The following CPAMD8 variants were observed in gnomAD, a reference collection of about 807,000 sequenced individuals.
CPAMD8 encodes the protein C3 and PZP like alpha-2-macroglobulin domain containing 8.
In CPAMD8, 146 loss-of-function variants were observed where a neutral mutation model predicts 224.7. That is an observed-to-expected ratio of 0.65 (90% CI 0.57 to 0.75). The LOEUF is 0.75. CPAMD8 is among the 30% of genes least tolerant of loss of function. The probability of loss-of-function intolerance (pLI) is 0.00; values close to 1 mark genes in which losing one functional copy is unlikely to be tolerated. For missense variants in CPAMD8, 2,301 were observed against 2,537.5 expected (o/e 0.91, Z 2.00); for synonymous variants, 966 against 1,044.6 (o/e 0.92, Z 1.45).
intron 6 of CPAMD8, chr19:17,009,088 C>T (rs918462611): frequency 1.3e-5 from 8 of 635,808 alleles, no homozygotes; most frequent in Non-Finnish European, 2.0e-5. Context: ...TAGAGCGAGA[C>T]TCCATTTCAA....
At chr19:16,933,345 A>T (rs1278446063) in intron 23 of CPAMD8, among the ~76,000 whole-genome samples, 1 of 152,164 alleles carries the variant, frequency 6.6e-6, no homozygotes, top group Non-Finnish European at 1.5e-5. Flanking sequence ...TAATTAATAT[A>T]AAAAAACTTC....
chr19:16,921,038 A>AG (rs2053155571), intron 27 of CPAMD8, among the ~76,000 whole-genome samples: 1 of 151,858 alleles, frequency 6.6e-6, no homozygotes, highest in Admixed American at 6.6e-5. Flanking sequence ...TTGCGTTATC[A>AG]GCTGTCGGCA....
Position 16,904,321 on chromosome 19 carries a change from T to C in CPAMD8, c.4156A>G (p.Thr1386Ala). The C allele has an allele frequency of 6.2e-7, 1 of 1,613,674 alleles. No homozygotes were observed. Among genetic ancestry groups the C allele is most frequent in the South Asian group, 1.1e-5 (1 of 91,078 alleles). Residue 1386 changes from threonine to alanine, a missense_variant, in exon 32 of 42, where the codon ACC becomes GCC. This residue lies in a region of CPAMD8 where 1,709 missense variants were observed against 1,753.2 expected (regional missense o/e 0.97). Transcript: ENST00000443236. ...EVEMTAYALL[T>A]YTLLGDVAAA... Reference sequence around the variant, plus strand: ...GCCACGTCACCCAGCAGAGTGTAGGTCAGAAGGGCGTAGGCTGTCATTTCC... The same window carrying C: ...GCCACGTCACCCAGCAGAGTGTAGGCCAGAAGGGCGTAGGCTGTCATTTCC...
intron 25 of CPAMD8, 111 bp from the exon 26 acceptor site, chr19:16,925,483 A>G: frequency 1.2e-6 from 1 of 867,954 alleles, no homozygotes; most frequent in Non-Finnish European, 1.9e-6. Flanking sequence ...TCAGCCACCC[A>G]ACTGCCCTTT....
intron 23 of CPAMD8, among the ~76,000 whole-genome samples, chr19:16,937,874 C>T (rs2053749101): frequency 6.6e-6 from 1 of 152,156 alleles, no homozygotes; most frequent in Non-Finnish European, 1.5e-5. Flanking sequence ...GGCTTGGTCT[C>T]AAACTCCTAA....
At chr19:16,961,108 T>C (rs1292171833) in intron 18 of CPAMD8, among the ~76,000 whole-genome samples, 1 of 152,076 alleles carries the variant, frequency 6.6e-6, no homozygotes, top group Non-Finnish European at 1.5e-5. Flanking sequence ...ACACGGAAGA[T>C]GGGTGATTTC....
chr19:16,989,538 C>T (rs977020908), intron 13 of CPAMD8, 105 bp downstream of exon 13: 46 of 1,395,488 alleles, frequency 3.3e-5, no homozygotes, highest in Admixed American at 8.8e-5. Context: ...CCGCCTGCCT[C>T]GGCCTCCCAA....
In CPAMD8 at chr19:16,977,504, C is replaced by G; in HGVS notation, c.1622G>C (p.Cys541Ser). 1 of 1,607,354 alleles carries G rather than the reference C, an allele frequency of 6.2e-7. No individual in the cohort carries two copies. The highest frequency in any genetic ancestry group is 8.5e-7 in the Non-Finnish European group (1 of 1,177,794). The change falls in exon 15 of 42, where the codon TGT becomes TCT. Residue 541 changes from cysteine to serine, a missense_variant. This residue lies in a region of CPAMD8 where 301 missense variants were observed against 406.6 expected (regional missense o/e 0.74). Transcript: ENST00000443236. ...CACGGCCAGATGAAGAGAGGTCACACACACGTCGACCTCAGCTTCTGGGGC... is the reference window on the plus strand; with the variant it reads ...CACGGCCAGATGAAGAGAGGTCACAGACACGTCGACCTCAGCTTCTGGGGC... ...PPAPEAEVDV[C>S]VTSLHLAVTP...
At chr19:16,959,616 C>T (rs929217250) in intron 18 of CPAMD8, among the ~76,000 whole-genome samples, 2 of 151,872 alleles carry the variant, frequency 1.3e-5, no homozygotes, top group African/African-American at 2.4e-5. Flanking sequence ...TCTCGGTTCA[C>T]TGCAGCCTCC....
At position 17,009,517 on chromosome 19, in the gene CPAMD8, G is replaced by A. The variant is rs550744979; in HGVS notation, c.487-197C>T. 1.2e-5 allele frequency: 10 copies of A among 866,530 alleles called. No individual in the cohort carries two copies. The African/African-American group carries it at 1.4e-4, about 12-fold the overall frequency. 53.7% of individuals were successfully genotyped at this position (866,530 alleles called of 1,614,324 possible). On this transcript the variant is annotated intron_variant, in intron 5 of 41. Coordinates refer to ENST00000443236, the MANE Select transcript of CPAMD8 (RefSeq NM_015692.5). ...GACTCATTACAGGTGGCTCATGCCT[G>A]TAATCCCAGCACTTTGGGAGGCCAA...
At chr19:16,998,547 G>T (rs944965845) in intron 10 of CPAMD8, among the ~76,000 whole-genome samples, 5 of 152,160 alleles carry the variant, frequency 3.3e-5, no homozygotes, top group Non-Finnish European at 7.3e-5. Flanking sequence ...GTCTCAGGTG[G>T]GAAAGGGACT....
intron 39 of CPAMD8, 160 bp downstream of exon 39, chr19:16,897,531 G>T (rs930055466): frequency 3.6e-6 from 2 of 561,832 alleles, no homozygotes; most frequent in South Asian, 4.4e-5. Flanking sequence ...CGCCTCCCCC[G>T]TACAGGCAGA....
chr19:17,001,971 G>A (rs1372311834), intron 9 of CPAMD8, among the ~76,000 whole-genome samples: 2 of 151,518 alleles, frequency 1.3e-5, no homozygotes, highest in Non-Finnish European at 2.9e-5. Context: ...ACTTTAGAGG[G>A]AGGAGGACAC....
chr19:16,975,575 G>T (rs1042045564), intron 16 of CPAMD8, among the ~76,000 whole-genome samples: 2 of 152,118 alleles, frequency 1.3e-5, no homozygotes, highest in African/African-American at 4.8e-5. Flanking sequence ...AGGCGTGGTG[G>T]TGCATGCCTG....
At chr19:17,024,140 T>C (rs1333739024) in intron 1 of CPAMD8, among the ~76,000 whole-genome samples, 1 of 152,196 alleles carries the variant, frequency 6.6e-6, no homozygotes, top group Non-Finnish European at 1.5e-5. Flanking sequence ...GAAAACATCA[T>C]TACCAATTTT....
At chr19:16,926,328 A>T (rs954270664) in intron 25 of CPAMD8, among the ~76,000 whole-genome samples, 1 of 149,840 alleles carries the variant, frequency 6.7e-6, no homozygotes, top group Non-Finnish European at 1.5e-5. Flanking sequence ...ATTTTATTTT[A>T]TTTATTTTTA....
chr19:17,011,890 C>T, intron 3 of CPAMD8, 133 bp from the exon 4 acceptor site: 2 of 999,322 alleles, frequency 2.0e-6, no homozygotes, highest in Non-Finnish European at 2.9e-6. Flanking sequence ...GGACACTTGG[C>T]AGTTTCTGGA....
intron 29 of CPAMD8, among the ~76,000 whole-genome samples, chr19:16,909,616 A>AT (rs1335377961): frequency 2.6e-5 from 4 of 151,894 alleles, no homozygotes; most frequent in Non-Finnish European, 5.9e-5. Context: ...ATGGTGGCCC[A>AT]TGCCTGTAAT....
In CPAMD8 at chr19:16,952,154, T is replaced by C; in HGVS notation, c.2323A>G (p.Ile775Val). The change falls in exon 20 of 42, where the codon ATC becomes GTC. Residue 775 changes from isoleucine (I) to valine (V), a missense_variant. By Grantham distance (29) the Ile-to-Val change is conservative. This residue lies in a region of CPAMD8 where 1,709 missense variants were observed against 1,753.2 expected (regional missense o/e 0.97). Transcript: ENST00000443236. ...GTLSVKVPDSITSWVGEAVAL... is the reference protein window; with the variant it reads ...GTLSVKVPDSVTSWVGEAVAL... ...ACGGCCTCACCCACCCAGCTGGTGATGGAGTCCGGGACCTTCACACTGAGT... is the reference window on the plus strand; with the variant it reads ...ACGGCCTCACCCACCCAGCTGGTGACGGAGTCCGGGACCTTCACACTGAGT... The C allele has an allele frequency of 6.4e-7, 1 of 1,551,038 alleles. No individual in the cohort carries two copies.
Sources: gnomAD v4.1 joint callset for allele counts (sites outside exome capture counted in the v4.1 genomes callset) on GRCh38, gnomAD v4.1.1 for gene constraint, gnomAD v4.1.1 regional missense constraint, MANE v1.5 for transcripts, NCBI Gene and HGNC (gene_info 2026-07-23, HGNC 2026-07-21) for gene names.